The following CCDC170 variants were observed in gnomAD, a reference collection of about 807,000 sequenced individuals.
The protein encoded by CCDC170 is coiled-coil domain-containing protein 170.
Under a neutral mutation model 72.6 loss-of-function variants are expected in CCDC170, and 69 were observed. That is an observed-to-expected ratio of 0.95 (90% CI 0.78 to 1.16). The LOEUF is 1.16. CCDC170 is among the 50% of genes most tolerant of loss of function. The probability of loss-of-function intolerance (pLI) is 0.00; values close to 1 mark genes in which losing one functional copy is unlikely to be tolerated. For synonymous variants in CCDC170, 300 were observed against 303.9 expected (o/e 0.99, Z 0.13); for missense variants, 852 against 832.5 (o/e 1.02, Z -0.29).
intron 1 of CCDC170, among the ~76,000 whole-genome samples, chr6:151,516,804 G>A (rs1237108947): frequency 6.6e-6 from 1 of 152,188 alleles, no homozygotes; most frequent in Non-Finnish European, 1.5e-5. Context: ...TAGTGCGTGG[G>A]GAAGGCTGGT....
intron 9 of CCDC170, among the ~76,000 whole-genome samples, chr6:151,603,046 C>T (rs954028158): frequency 6.6e-6 from 1 of 152,102 alleles, no homozygotes; most frequent in Non-Finnish European, 1.5e-5. Flanking sequence ...GGTGATCCAC[C>T]CTCCTCGGCC....
intron 5 of CCDC170, among the ~76,000 whole-genome samples, chr6:151,572,690 C>T (rs1279767474): frequency 1.7e-5 from 1 of 59,740 alleles, no homozygotes; most frequent in African/African-American, 8.2e-5. Flanking sequence ...TGTTCTGTTG[C>T]CCAGGCTGGA....
At chr6:151,562,674 T>C (rs372263685) in intron 5 of CCDC170, among the ~76,000 whole-genome samples, 3 of 152,324 alleles carry the variant, frequency 2.0e-5, no homozygotes, top group South Asian at 2.1e-4. Context: ...TTTTGTGGAA[T>C]AGCACTAAGC....
intron 1 of CCDC170, among the ~76,000 whole-genome samples, chr6:151,507,517 T>A (rs1163123284): frequency 6.6e-6 from 1 of 152,128 alleles, no homozygotes; most frequent in Non-Finnish European, 1.5e-5. Context: ...ATTTTTAATA[T>A]CTTCTATGAA....
Position 151,536,376 on chromosome 6 carries a change from G to A in CCDC170, c.116G>A (p.Arg39Gln), listed in dbSNP as rs763833974. The A allele has an allele frequency of 2.8e-5, 45 of 1,614,004 alleles. No individual in the cohort carries two copies. Among genetic ancestry groups the A allele is most frequent in the Middle Eastern group, 1.6e-4 (1 of 6,084 alleles). ...ACGCGGGAGCAGTTAAACCACTATCGGAATGTGGCTCAAAATGCTCGAAGT... is the reference window on the plus strand; with the variant it reads ...ACGCGGGAGCAGTTAAACCACTATCAGAATGTGGCTCAAAATGCTCGAAGT... ...PVTREQLNHY[R>Q]NVAQNARSEL... Residue 39 changes from arginine (R) to glutamine (Q), a missense_variant, in exon 2 of 11, where the codon CGG (arginine) becomes CAG (glutamine). Arg to Gln is a conservative substitution (Grantham distance 43, BLOSUM62 1). Coordinates refer to ENST00000239374, the MANE Select transcript of CCDC170 (RefSeq NM_025059.4).
At chr6:151,597,943 C>T (rs1776649421) in intron 9 of CCDC170, among the ~76,000 whole-genome samples, 1 of 152,146 alleles carries the variant, frequency 6.6e-6, no homozygotes, top group African/African-American at 2.4e-5. Context: ...TTAAGCCAGC[C>T]CTTGAACATG....
intron 6 of CCDC170, among the ~76,000 whole-genome samples, chr6:151,582,183 T>C (rs1246107564): frequency 1.3e-5 from 2 of 152,214 alleles, no homozygotes; most frequent in Admixed American, 6.5e-5. Context: ...CCTCTTCCCA[T>C]AGAAGGCTGA....
At chr6:151,502,783 C>T (rs1782010606) in intron 1 of CCDC170, among the ~76,000 whole-genome samples, 1 of 152,210 alleles carries the variant, frequency 6.6e-6, no homozygotes, top group Non-Finnish European at 1.5e-5. Flanking sequence ...CTGTTAGGCA[C>T]TGAAGATAAA....
chr6:151,594,202 A>G (rs1481715572), intron 8 of CCDC170, among the ~76,000 whole-genome samples: 1 of 152,234 alleles, frequency 6.6e-6, no homozygotes, highest in Non-Finnish European at 1.5e-5. Flanking sequence ...GAGAAATGCT[A>G]TGATACAATT....
At chr6:151,575,431 CAAA>C (rs537055596) in intron 6 of CCDC170, among the ~76,000 whole-genome samples, 10 of 91,754 alleles carry the variant, frequency 1.1e-4, no homozygotes, top group East Asian at 3.6e-4. Context: ...AGACTCTGTC[CAAA>C]AAAAAAAAAA....
At chr6:151,584,994 G>A (rs1342177164) in intron 6 of CCDC170, among the ~76,000 whole-genome samples, 1 of 152,130 alleles carries the variant, frequency 6.6e-6, no homozygotes, top group Admixed American at 6.5e-5. Context: ...ACCATCGAAA[G>A]AAAACAAATT....
Position 151,573,080 on chromosome 6 carries a change from T to C in CCDC170, c.775-94T>C, listed in dbSNP as rs768869413. 1.9e-5 allele frequency: 22 copies of C among 1,150,570 alleles called. No homozygotes were observed. In the Admixed American group the frequency reaches 3.6e-4, roughly 19 times the overall value. 71.3% of individuals were successfully genotyped at this position (1,150,570 alleles called of 1,614,324 possible). A position where few individuals can be genotyped will look rare whatever the true frequency, so the allele number is the denominator to read the frequency against. On this transcript the variant is annotated intron_variant, in intron 5 of 10. Coordinates refer to ENST00000239374, the MANE Select transcript of CCDC170 (RefSeq NM_025059.4). ...TAATTAACCCAACCCCTTGTAGTCA[T>C]TAGCAGGCAAAGTCAATGAATTTGC...
intron 1 of CCDC170, among the ~76,000 whole-genome samples, chr6:151,532,413 C>T (rs1475482331): frequency 1.3e-5 from 2 of 152,106 alleles, no homozygotes; most frequent in Admixed American, 1.3e-4. Context: ...TCGAGACCAG[C>T]CTGGCTAACA....
chr6:151,616,458 C>T (rs928172765), intron 10 of CCDC170, among the ~76,000 whole-genome samples: 3 of 151,888 alleles, frequency 2.0e-5, no homozygotes, highest in Non-Finnish European at 2.9e-5. Flanking sequence ...GACTCTGATC[C>T]TAGGATTTTT....
In CCDC170 at chr6:151,618,335, C is replaced by T. The variant is rs1029248156; in HGVS notation, c.*188C>T. The T allele has an allele frequency of 5.4e-5, 30 of 559,790 alleles. No homozygotes were observed. The highest frequency in any genetic ancestry group is 2.9e-4 in the East Asian group (10 of 34,774). 34.7% of individuals were successfully genotyped at this position (559,790 alleles called of 1,614,324 possible). On this transcript the variant is annotated 3_prime_UTR_variant, in exon 11 of 11. Coordinates refer to ENST00000239374, the MANE Select transcript of CCDC170 (RefSeq NM_025059.4). ...TTAGATAAACGTTCAGCATTAAAAA[C>T]GCCTATTATTTCATTTACTAGCATT...
At chr6:151,532,680 C>T (rs912056165) in intron 1 of CCDC170, among the ~76,000 whole-genome samples, 54 of 152,046 alleles carry the variant, frequency 3.6e-4, no homozygotes, top group African/African-American at 1.3e-3. Context: ...TTGGAAGCCT[C>T]AACATTTAAA....
intron 9 of CCDC170, among the ~76,000 whole-genome samples, chr6:151,600,916 C>T: frequency 6.6e-6 from 1 of 152,160 alleles, no homozygotes. Context: ...CTTTCTTCAA[C>T]TTCTGGTAAC....
At chr6:151,595,618 C>G (rs1776609800) in intron 8 of CCDC170, among the ~76,000 whole-genome samples, 1 of 152,036 alleles carries the variant, frequency 6.6e-6, no homozygotes, top group Non-Finnish European at 1.5e-5. Flanking sequence ...GAGTTCAAGG[C>G]CAGCCAAGGC....
At chr6:151,533,401 C>T (rs1301668368) in intron 1 of CCDC170, among the ~76,000 whole-genome samples, 1 of 151,946 alleles carries the variant, frequency 6.6e-6, no homozygotes, top group Non-Finnish European at 1.5e-5. Context: ...GGCGTAGTGG[C>T]TCATGTCAGT....
Sources: gnomAD v4.1 joint callset for allele counts (sites outside exome capture counted in the v4.1 genomes callset) on GRCh38, gnomAD v4.1.1 for gene constraint, MANE v1.5 for transcripts, NCBI Gene and HGNC (gene_info 2026-07-23, HGNC 2026-07-21) for gene names.